BNIP5: variants seen among roughly 807,000 people sequenced by gnomAD.
BNIP5 encodes protein BNIP5.
Under a neutral mutation model 67.3 loss-of-function variants are expected in BNIP5, and 61 were observed. The ratio of observed to expected loss-of-function variants is 0.91; its 90% confidence interval spans 0.74 to 1.12. The LOEUF (loss-of-function observed/expected upper bound fraction) is 1.12, where lower values mean the gene tolerates loss of function less well. BNIP5 is among the 50% of genes most tolerant of loss of function. BNIP5 has a pLI of 0.00. For missense variants in BNIP5, 826 were observed against 816.3 expected, an observed-to-expected ratio of 1.01 and a Z score of -0.14; for synonymous variants, 317 against 319.0, an observed-to-expected ratio of 0.99 and a Z score of 0.07.
chr6:36,326,924 G>A, intron 4 of BNIP5, 106 bp downstream of exon 4: 1 of 1,384,674 alleles, frequency 7.2e-7, no homozygotes, highest in East Asian at 2.3e-5. Context: ...GAGGCTTCAG[G>A]GAAGGAATGG....
chr6:36,322,527 A>G, intron 8 of BNIP5, 85 bp from the exon 9 acceptor site: 1 of 1,451,692 alleles, frequency 6.9e-7, no homozygotes, highest in Non-Finnish European at 9.3e-7. Flanking sequence ...CACAGGCATA[A>G]GCAGGGGCTG....
chr6:36,328,751 T>G, intron 2 of BNIP5, 37 bp from the exon 3 acceptor site: 1 of 1,186,970 alleles, frequency 8.4e-7, no homozygotes, highest in Non-Finnish European at 1.3e-6. Flanking sequence ...TATGTAGGTG[T>G]GTATGTGCGT....
In BNIP5 at chr6:36,324,150, T is replaced by G; in HGVS notation, c.1209A>C (p.Ala403=). The stretch of plus-strand genomic sequence containing the variant: ...TCACCTCCTCTCCTTGCTGTTCTTC[T>G]GCATCTTGGAGCATGGAAATGATCT... ...IQKIISMLQD[A]EEQQGEEQPQ... is the part of the protein sequence containing the mutation. The change falls in exon 7 of 12, where the codon GCA becomes GCC. Residue 403 remains alanine, a synonymous_variant. Transcript: ENST00000437635. 6.2e-7 allele frequency: 1 copy of G among 1,614,054 alleles called. No homozygotes were observed. The highest frequency in any genetic ancestry group is 8.5e-7 in the Non-Finnish European group (1 of 1,179,896).
Position 36,317,258 on chromosome 6 carries a change from G to A in BNIP5, c.*98C>T. ...TCTTGTCTTCCATCACGTTTGTGAA[G>A]CAGGGATTGGGACATCACAGAGCAT... is the stretch of plus-strand genomic sequence containing the variant. On this transcript the variant is annotated 3_prime_UTR_variant, in exon 12 of 12. Transcript: ENST00000437635. 2 of 925,544 alleles carry A rather than the reference G, an allele frequency of 2.2e-6. No individual in the cohort carries two copies. The highest frequency in any genetic ancestry group is 3.6e-6 in the Non-Finnish European group (2 of 551,434). The allele number at this position is 925,544 out of a possible 1,614,324, so 57.3% of individuals were successfully genotyped here. A position where few individuals can be genotyped will look rare whatever the true frequency, so the allele number is the denominator to read the frequency against.
At position 36,317,311 on chromosome 6, in the gene BNIP5, A is replaced by G; in HGVS notation, c.*45T>C. ...TCAGGGTCTCCTGGCTAAAGCTGCG[A>G]ACCATTTGGCTAGTTCAAGGGAATT... On this transcript the variant is annotated 3_prime_UTR_variant, in exon 12 of 12. Coordinates refer to ENST00000437635, the MANE Select transcript of BNIP5 (RefSeq NM_001010903.5). The G allele has an allele frequency of 6.5e-7, 1 of 1,541,758 alleles. No individual in the cohort carries two copies. Among genetic ancestry groups the G allele is most frequent in the Admixed American group, 1.7e-5 (1 of 59,922 alleles).
In BNIP5 at chr6:36,324,207, C is replaced by T. The variant is rs371362850; in HGVS notation, c.1169-17G>A. ...TGAATTCTTCTGAAAAAGATCAACA[C>T]GCATGGTTAACTTTGGTGCTACGAA... On this transcript the variant is annotated splice_polypyrimidine_tract_variant and intron_variant, in intron 6 of 11. Coordinates refer to ENST00000437635, the MANE Select transcript of BNIP5 (RefSeq NM_001010903.5). The T allele has an allele frequency of 1.2e-5, 19 of 1,609,736 alleles. No homozygotes were observed. The highest frequency in any genetic ancestry group is 1.0e-4 in the Admixed American group (6 of 59,990).
intron 2 of BNIP5, among the ~76,000 whole-genome samples, chr6:36,329,872 A>G (rs1319673129): frequency 6.7e-6 from 1 of 150,372 alleles, no homozygotes; most frequent in African/African-American, 2.5e-5. Context: ...GAGAAAAGAG[A>G]GAAAGAAGAA....
At chr6:36,325,916 C>T (rs1426087108) in intron 5 of BNIP5, among the ~76,000 whole-genome samples, 1 of 152,230 alleles carries the variant, frequency 6.6e-6, no homozygotes, top group Non-Finnish European at 1.5e-5. Context: ...CTGGCCCCAT[C>T]ATCCATGGGC....
chr6:36,329,502 G>A (rs1397423697), intron 2 of BNIP5, among the ~76,000 whole-genome samples: 1 of 152,142 alleles, frequency 6.6e-6, no homozygotes, highest in African/African-American at 2.4e-5. Flanking sequence ...CCACGGTGCT[G>A]TTCTACCTCA....
chr6:36,330,396 AC>A lies in BNIP5; in HGVS notation c.294del (p.Trp99GlyfsTer2), dbSNP rs750848699. 1.2e-6 allele frequency: 2 copies of A among 1,613,270 alleles called. No individual in the cohort carries two copies. Among genetic ancestry groups the A allele is most frequent in the Non-Finnish European group, 1.7e-6 (2 of 1,179,790 alleles). ...EQRPSQDTKK[G>X]WLKTMLNFFV... ...AAGAAGTTCAGCATGGTCTTCAGCC[AC>A]CCCTTCTTGGTGTCTTGCGAAGGCC... On this transcript the variant is annotated frameshift_variant, in exon 2 of 12. Transcript: ENST00000437635. LOFTEE classifies it high-confidence loss of function.
intron 2 of BNIP5, among the ~76,000 whole-genome samples, chr6:36,329,750 G>C (rs1771841731): frequency 6.6e-6 from 1 of 152,096 alleles, no homozygotes; most frequent in Non-Finnish European, 1.5e-5. Context: ...GGAGGAGCTT[G>C]CAGTGAGCCA....
At chr6:36,319,701 G>A (rs967530559) in intron 10 of BNIP5, 91 bp from the exon 11 acceptor site, 9 of 1,461,588 alleles carry the variant, frequency 6.2e-6, no homozygotes, top group Non-Finnish European at 7.4e-6. Flanking sequence ...AGCCAGGCGG[G>A]GCACTCCTTG....
Position 36,334,567 on chromosome 6 carries a change from G to A in BNIP5, c.-5+2145C>T, listed in dbSNP as rs1409328267. Among the ~76,000 whole-genome samples, 4 of 152,096 alleles carry A rather than the reference G, an allele frequency of 2.6e-5. No individual in the cohort carries two copies. The East Asian group carries it at 7.7e-4, about 29-fold the overall frequency. ...TGTAATGTTCCAAAGATTGTCTTCA[G>A]CTCTAGGCCAGGGATTGAGACAGCG... On this transcript the variant is annotated intron_variant, in intron 1 of 11. Transcript: ENST00000437635.
chr6:36,325,541 G>T, intron 5 of BNIP5, 127 bp from the exon 6 acceptor site: 1 of 1,152,072 alleles, frequency 8.7e-7, no homozygotes. Context: ...GGGGCTGGAA[G>T]ACAGCTGCTG....
Position 36,326,744 on chromosome 6 carries a change from C to T in BNIP5, c.802G>A (p.Ala268Thr), listed in dbSNP as rs1216443124. ...GGCAGGGCCACCCCCAGCTGTGAGG[C>T]CAGAGATTGCTGTTGGGGAGAGGAG... ...GDQWEEEQSL[A>T]SQLGVALPNP... The change falls in exon 5 of 12, where the codon GCC becomes ACC. Residue 268 changes from alanine (A) to threonine (T), a missense_variant. Coordinates refer to ENST00000437635, the MANE Select transcript of BNIP5 (RefSeq NM_001010903.5). The T allele has an allele frequency of 1.2e-6, 2 of 1,614,074 alleles. No homozygotes were observed. The highest frequency in any genetic ancestry group is 1.7e-6 in the Non-Finnish European group (2 of 1,180,034).
Position 36,317,096 on chromosome 6 carries a change from T to C in BNIP5, c.*260A>G. On this transcript the variant is annotated 3_prime_UTR_variant, in exon 12 of 12. Transcript: ENST00000437635. ...GTCATGCAGCAAGTCTGGGGTAGGTTCAGCAGGTAGAGCCCCAGTCTTCCT... is the reference window on the plus strand; with the variant it reads ...GTCATGCAGCAAGTCTGGGGTAGGTCCAGCAGGTAGAGCCCCAGTCTTCCT... 1.8e-6 allele frequency: 1 copy of C among 571,290 alleles called. No individual in the cohort carries two copies. Among genetic ancestry groups the C allele is most frequent in the Non-Finnish European group, 3.1e-6 (1 of 323,134 alleles). 35.4% of individuals were successfully genotyped at this position (571,290 alleles called of 1,614,324 possible).
chr6:36,320,160 T>C (rs1771604415), intron 10 of BNIP5, among the ~76,000 whole-genome samples: 1 of 152,216 alleles, frequency 6.6e-6, no homozygotes, highest in Admixed American at 6.5e-5. Context: ...AGCTCCTTTC[T>C]CTTAATAACT....
intron 5 of BNIP5, among the ~76,000 whole-genome samples, chr6:36,326,059 T>C (rs1771754435): frequency 6.6e-6 from 1 of 152,230 alleles, no homozygotes; most frequent in South Asian, 2.1e-4. Context: ...CTGTGAGGAC[T>C]GATCGTGTTA....
chr6:36,322,420 C>T lies in BNIP5; in HGVS notation c.1494G>A (p.Arg498=), dbSNP rs1204860876. The T allele has an allele frequency of 1.9e-6, 3 of 1,613,660 alleles. No individual in the cohort carries two copies. Among genetic ancestry groups the T allele is most frequent in the African/African-American group, 2.7e-5 (2 of 74,836 alleles). ...SSLDPEDLEC[R]EPLPAEGEPV... Reference sequence around the variant, plus strand: ...GCTCCCCTTCTGCGGGCAGGGGCTCCCGGCACTCGAGATCTTCTGGATCTA... The same window carrying T: ...GCTCCCCTTCTGCGGGCAGGGGCTCTCGGCACTCGAGATCTTCTGGATCTA... The change falls in exon 9 of 12, where the codon CGG becomes CGA. Residue 498 remains arginine (R), a synonymous_variant. Coordinates refer to ENST00000437635, the MANE Select transcript of BNIP5 (RefSeq NM_001010903.5).
Sources: allele counts gnomAD v4.1 joint callset (sites outside exome capture counted in the v4.1 genomes callset), GRCh38; gene constraint gnomAD v4.1.1; transcripts MANE v1.5; gene names NCBI Gene and HGNC (gene_info 2026-07-23, HGNC 2026-07-21).